SLC44A5: variants seen among roughly 807,000 people sequenced by gnomAD.
SLC44A5 encodes the protein choline transporter-like protein 5.
In SLC44A5, 57 loss-of-function variants were observed where a neutral mutation model predicts 101.8. The ratio of observed to expected loss-of-function variants is 0.56; its 90% CI spans 0.45 to 0.70. The LOEUF (loss-of-function observed/expected upper bound fraction) is 0.70. Ranked by LOEUF, SLC44A5 falls within the 30% of genes least tolerant of loss-of-function variation. SLC44A5 has a pLI of 0.00. For missense variants in SLC44A5, 737 were observed against 853.1 expected, an observed-to-expected ratio of 0.86 and a Z score of 1.70; for synonymous variants, 281 against 290.9, an observed-to-expected ratio of 0.97 and a Z score of 0.35.
intron 1 of SLC44A5, among the ~76,000 whole-genome samples, chr1:75,573,967 T>C (rs944626340): frequency 6.6e-6 from 1 of 152,184 alleles, no homozygotes; most frequent in Non-Finnish European, 1.5e-5. Context: ...ATGCACTCAA[T>C]GCATCAGCAA....
chr1:75,652,087 A>T, the SLC44A5 span, among the ~76,000 whole-genome samples: 1 of 152,104 alleles, frequency 6.6e-6, no homozygotes, highest in Non-Finnish European at 1.5e-5. Context: ...CTCTGGGAAC[A>T]TTCAACTGGT....
At chr1:75,596,202 GCA>G (rs76901767) in intron 1 of SLC44A5, among the ~76,000 whole-genome samples, 122 of 141,032 alleles carry the variant, frequency 8.7e-4, no homozygotes, top group Non-Finnish European at 9.3e-4. Flanking sequence ...GTAGACACAT[GCA>G]CACACACACA....
intron 2 of SLC44A5, among the ~76,000 whole-genome samples, chr1:75,410,577 T>C (rs1663210558): frequency 6.6e-6 from 1 of 152,126 alleles, no homozygotes; most frequent in Non-Finnish European, 1.5e-5. Flanking sequence ...GTCCAGCCTC[T>C]TTCCTTATCA....
At chr1:75,518,213 T>C (rs539874962) in intron 2 of SLC44A5, among the ~76,000 whole-genome samples, 1 of 152,322 alleles carries the variant, frequency 6.6e-6, no homozygotes, top group East Asian at 1.9e-4. Context: ...ATAAACTTGG[T>C]ATATCCATCC....
chr1:75,648,568 G>T, the SLC44A5 span, among the ~76,000 whole-genome samples: 18 of 152,092 alleles, frequency 1.2e-4, no homozygotes, highest in Non-Finnish European at 1.5e-4. Context: ...AGAAGGGAAG[G>T]TCAGAGAGTG....
At chr1:75,616,073 C>T (rs1053952596), upstream of SLC44A5, among the ~76,000 whole-genome samples, 4 of 151,920 alleles carry the variant, frequency 2.6e-5, no homozygotes, top group East Asian at 1.9e-4. Flanking sequence ...CGGGCGCCGC[C>T]GCCCCTCTGC....
intron 2 of SLC44A5, among the ~76,000 whole-genome samples, chr1:75,464,721 C>T (rs1164858486): frequency 1.3e-5 from 2 of 152,028 alleles, no homozygotes; most frequent in African/African-American, 4.8e-5. Context: ...CAAAAGACAG[C>T]AGGAGTCACT....
the SLC44A5 span, among the ~76,000 whole-genome samples, chr1:75,698,609 A>G: frequency 2.0e-5 from 3 of 152,356 alleles, no homozygotes; most frequent in East Asian, 5.8e-4. Flanking sequence ...TCCTCCTCCA[A>G]AGGAACGCAG....
intron 9 of SLC44A5, among the ~76,000 whole-genome samples, chr1:75,239,901 T>A (rs547458994): frequency 6.6e-6 from 1 of 152,094 alleles, no homozygotes; most frequent in Non-Finnish European, 1.5e-5. Context: ...TACATACTCC[T>A]TGGCATATTG....
the SLC44A5 span, among the ~76,000 whole-genome samples, chr1:75,700,473 A>G: frequency 1.3e-5 from 2 of 152,222 alleles, no homozygotes; most frequent in Admixed American, 1.3e-4. Context: ...ACAAAGACAC[A>G]ACATACCAGA....
chr1:75,585,595 C>A (rs1673946669), intron 1 of SLC44A5, among the ~76,000 whole-genome samples: 2 of 152,108 alleles, frequency 1.3e-5, no homozygotes, highest in South Asian at 2.1e-4. Flanking sequence ...AGCTGAGAAC[C>A]ACTATGCTCC....
chr1:75,640,149 T>G, the SLC44A5 span, among the ~76,000 whole-genome samples: 2 of 152,104 alleles, frequency 1.3e-5, no homozygotes, highest in Non-Finnish European at 2.9e-5. Context: ...TTGTTGAGTT[T>G]CTTCTGCTGA....
chr1:75,627,620 C>A, the SLC44A5 span, among the ~76,000 whole-genome samples: 8 of 151,736 alleles, frequency 5.3e-5, no homozygotes, highest in Admixed American at 1.3e-4. Context: ...GAGTACGAAG[C>A]TAGAGTGAAT....
chr1:75,313,104 G>A (rs903795653), intron 4 of SLC44A5, among the ~76,000 whole-genome samples: 9 of 152,176 alleles, frequency 5.9e-5, no homozygotes, highest in African/African-American at 2.2e-4. Context: ...TAGCAACACA[G>A]AAGAGAATGA....
rs115787571 is a variant in SLC44A5, at chr1:75,449,067, C to T, written c.14-52446G>A. On this transcript the variant is annotated intron_variant, in intron 2 of 23. Coordinates refer to ENST00000370859, the MANE Select transcript of SLC44A5 (RefSeq NM_001130058.2). ...CTTCCATTTGCCTCACTGACTTATA[C>T]ATCAGTTCTCCACTCCCAACTGCTT... is the stretch of plus-strand genomic sequence containing the variant. Among the ~76,000 whole-genome samples the T allele has an allele frequency of 9.2e-3, 1,408 of 152,284 alleles. 24 individuals are homozygous for T. Among genetic ancestry groups the T allele is most frequent in the African/African-American group, 0.032 (1,344 of 41,548 alleles).
intron 2 of SLC44A5, among the ~76,000 whole-genome samples, chr1:75,476,921 G>A (rs1362019904): frequency 1.3e-5 from 2 of 152,246 alleles, no homozygotes; most frequent in African/African-American, 2.4e-5. Flanking sequence ...GCACACAGCT[G>A]GAGATCTGAG....
chr1:75,205,228 T>C (rs1646730323), intron 23 of SLC44A5: 1 of 152,210 alleles, frequency 6.6e-6, no homozygotes, highest in South Asian at 2.1e-4. Context: ...TTGAAGATAA[T>C]TAATACGTAT....
intron 2 of SLC44A5, among the ~76,000 whole-genome samples, chr1:75,470,120 T>C (rs1307844053): frequency 1.3e-5 from 2 of 152,100 alleles, no homozygotes; most frequent in Admixed American, 1.3e-4. Flanking sequence ...AACTAAGGAA[T>C]AACCCTGGAA....
At position 75,296,234 on chromosome 1, in the gene SLC44A5, G is replaced by T. The variant is rs1014287084; in HGVS notation, c.175+4378C>A. Among the ~76,000 whole-genome samples the T allele has an allele frequency of 2.0e-5, 3 of 152,042 alleles. No homozygotes were observed. The East Asian group carries it at 5.8e-4, about 29-fold the overall frequency. On this transcript the variant is annotated intron_variant, in intron 5 of 23. Transcript: ENST00000370859. ...TGGCTTGGTTCATTTCTCTATTAAA[G>T]AAGCAATCACAAGCCTGACCGTATT...
Sources: allele counts gnomAD v4.1 joint callset (sites outside exome capture counted in the v4.1 genomes callset), GRCh38; gene constraint gnomAD v4.1.1; transcripts MANE v1.5; gene names NCBI Gene and HGNC (gene_info 2026-07-23, HGNC 2026-07-21).